TFEC: variants seen among roughly 807,000 people sequenced by gnomAD.
The protein encoded by TFEC is class E basic helix-loop-helix protein 34.
TFEC carries 31 observed loss-of-function variants against 41.6 expected under a neutral mutation model. The ratio of observed to expected loss-of-function variants is 0.74; its 90% confidence interval spans 0.56 to 1.01. The LOEUF (loss-of-function observed/expected upper bound fraction) is 1.01, where lower values mean the gene tolerates loss of function less well. TFEC is among the 50% of genes least tolerant of loss of function. The probability of loss-of-function intolerance (pLI) is 0.00; values close to 1 mark genes in which losing one functional copy is unlikely to be tolerated. For synonymous variants in TFEC, 143 were observed against 140.6 expected (o/e 1.02, Z -0.12); for missense variants, 402 against 404.1 (o/e 0.99, Z 0.04).
intron 2 of TFEC, among the ~76,000 whole-genome samples, chr7:115,983,298 T>A (rs1235906116): frequency 6.6e-6 from 1 of 152,098 alleles, no homozygotes; most frequent in Non-Finnish European, 1.5e-5. Flanking sequence ...ATCTGCCACA[T>A]CCTTATTTTT....
intron 3 of TFEC, among the ~76,000 whole-genome samples, chr7:116,056,860 CAAA>C (rs1448117286): frequency 6.6e-6 from 1 of 151,796 alleles, no homozygotes; most frequent in Non-Finnish European, 1.5e-5. Flanking sequence ...AACTATCAAA[CAAA>C]AGATCAAAAC....
chr7:115,949,681 C>A (rs1791822215), intron 6 of TFEC, among the ~76,000 whole-genome samples: 1 of 151,910 alleles, frequency 6.6e-6, no homozygotes, highest in Non-Finnish European at 1.5e-5. Flanking sequence ...CTTCCTTACA[C>A]CTTATACAAA....
intron 3 of TFEC, among the ~76,000 whole-genome samples, chr7:116,100,555 T>C (rs1797580367): frequency 1.3e-5 from 2 of 151,876 alleles, no homozygotes; most frequent in Middle Eastern, 3.4e-3. Flanking sequence ...CCAATTACCA[T>C]AGGTGTAGAG....
At chr7:115,987,839 A>T (rs1793926095) in intron 1 of TFEC, among the ~76,000 whole-genome samples, 1 of 152,108 alleles carries the variant, frequency 6.6e-6, no homozygotes, top group Non-Finnish European at 1.5e-5. Context: ...CATTAGAGTA[A>T]ATCTTGGGAA....
At chr7:116,043,216 A>G (rs543572201) in intron 3 of TFEC, among the ~76,000 whole-genome samples, 1 of 152,300 alleles carries the variant, frequency 6.6e-6, no homozygotes, top group South Asian at 2.1e-4. Flanking sequence ...TCTTATGAAC[A>G]TATGTGGATA....
At chr7:115,968,562 T>C (rs1189159969) in intron 3 of TFEC, among the ~76,000 whole-genome samples, 2 of 151,884 alleles carry the variant, frequency 1.3e-5, no homozygotes, top group African/African-American at 4.8e-5. Flanking sequence ...AATGAGTTAC[T>C]ATGCACAACC....
intron 3 of TFEC, among the ~76,000 whole-genome samples, chr7:116,067,970 A>C (rs774334818): frequency 6.6e-6 from 1 of 151,686 alleles, no homozygotes; most frequent in African/African-American, 2.4e-5. Context: ...TTTTCTCACC[A>C]TGTTCTCTCA....
intron 1 of TFEC, among the ~76,000 whole-genome samples, chr7:116,125,063 T>A (rs1798182631): frequency 6.6e-6 from 1 of 152,182 alleles, no homozygotes; most frequent in African/African-American, 2.4e-5. Flanking sequence ...TAGAAAGATG[T>A]TATAAGATGT....
intron 3 of TFEC, among the ~76,000 whole-genome samples, chr7:116,079,815 A>C (rs1797046346): frequency 6.6e-6 from 1 of 152,148 alleles, no homozygotes; most frequent in Non-Finnish European, 1.5e-5. Flanking sequence ...TTCTTCACAG[A>C]ACTAGAAAAA....
At chr7:116,111,917 G>T in intron 2 of TFEC, 1 of 712,656 alleles carries the variant, frequency 1.4e-6, no homozygotes, top group Non-Finnish European at 1.7e-6. Context: ...CCTGGTAAAT[G>T]ATAGTACTTG....
Position 115,956,790 on chromosome 7 carries a change from A to G in TFEC, c.271T>C (p.Ser91Pro), listed in dbSNP as rs778326957. The change falls in exon 4 of 8, where the codon TCT becomes CCT. Residue 91 changes from serine (S) to proline (P), a missense_variant. Ser to Pro is a moderately conservative substitution (Grantham distance 74). Transcript: ENST00000265440. ...DSPLLMQRTL[S>P]GSILDVYSGE... is the part of the protein sequence containing the mutation. ...CTATACACATCCAAAATACTTCCAG[A>G]TAACTTGAGAGGAAAAAGGAAGAAA... 6.4e-7 allele frequency: 1 copy of G among 1,563,054 alleles called. No individual in the cohort carries two copies. Among genetic ancestry groups the G allele is most frequent in the Non-Finnish European group, 8.7e-7 (1 of 1,153,554 alleles).
At chr7:115,994,061 A>C (rs1794247454) in intron 1 of TFEC, among the ~76,000 whole-genome samples, 1 of 152,206 alleles carries the variant, frequency 6.6e-6, no homozygotes, top group African/African-American at 2.4e-5. Flanking sequence ...ACACATCTAC[A>C]ACCATCTGAT....
intron 1 of TFEC, among the ~76,000 whole-genome samples, chr7:115,991,562 G>A (rs967558841): frequency 1.3e-5 from 2 of 152,024 alleles, no homozygotes; most frequent in African/African-American, 2.4e-5. Flanking sequence ...CAAAAAAAAG[G>A]AGGGGTTGCA....
intron 3 of TFEC, among the ~76,000 whole-genome samples, chr7:116,066,877 C>T (rs893079599): frequency 1.3e-5 from 2 of 151,820 alleles, no homozygotes; most frequent in African/African-American, 4.8e-5. Context: ...AAGTATGTAT[C>T]CTATTAAAGT....
chr7:116,097,977 A>T (rs1311727944), intron 3 of TFEC, among the ~76,000 whole-genome samples: 1 of 152,184 alleles, frequency 6.6e-6, no homozygotes, highest in Non-Finnish European at 1.5e-5. Context: ...ACATAAACTG[A>T]CAGACTTAAC....
At chr7:115,970,135 G>A (rs1051273119) in intron 3 of TFEC, among the ~76,000 whole-genome samples, 6 of 152,004 alleles carry the variant, frequency 3.9e-5, no homozygotes, top group Admixed American at 2.6e-4. Flanking sequence ...CAAAGACTGA[G>A]CCTTAGGACA....
intron 3 of TFEC, among the ~76,000 whole-genome samples, chr7:115,971,564 T>C (rs1288786210): frequency 2.0e-5 from 3 of 151,934 alleles, no homozygotes; most frequent in Non-Finnish European, 4.4e-5. Flanking sequence ...GCCTTCTCTT[T>C]CTTGAAATTA....
At chr7:116,034,279 T>A (rs1036556233), upstream of TFEC, among the ~76,000 whole-genome samples, 3 of 152,100 alleles carry the variant, frequency 2.0e-5, no homozygotes, top group African/African-American at 4.8e-5. Flanking sequence ...CTTTATATCA[T>A]CTATATGCTA....
At chr7:116,025,409 A>G (rs1795549270) in intron 1 of TFEC, among the ~76,000 whole-genome samples, 1 of 152,116 alleles carries the variant, frequency 6.6e-6, no homozygotes, top group Non-Finnish European at 1.5e-5. Context: ...TAGATTTCCA[A>G]TCTTAGAGCT....
Sources: gnomAD v4.1 joint callset for allele counts (sites outside exome capture counted in the v4.1 genomes callset) on GRCh38, gnomAD v4.1.1 for gene constraint, MANE v1.5 for transcripts, NCBI Gene and HGNC (gene_info 2026-07-23, HGNC 2026-07-21) for gene names.